AKAP19: variants seen among roughly 807,000 people sequenced by gnomAD.
AKAP19 encodes A-kinase anchoring protein 19.
At chr2:190,024,404 A>G in the AKAP19 span, among the ~76,000 whole-genome samples, 2 of 146,728 alleles carry the variant, frequency 1.4e-5, no homozygotes, top group African/African-American at 2.5e-5. Context: ...ATACATATAT[A>G]TTTTTTCATT....
chr2:190,070,549 G>T, the AKAP19 span, among the ~76,000 whole-genome samples: 2 of 151,322 alleles, frequency 1.3e-5, no homozygotes, highest in Admixed American at 1.3e-4. Context: ...TTTTTCTAAG[G>T]TCATAAGAAC....
the AKAP19 span, chr2:189,923,438 G>C: frequency 3.8e-5 from 61 of 1,613,780 alleles, no homozygotes; most frequent in Admixed American, 1.8e-4. Context: ...TGATGTGGAG[G>C]CAATCTTTTC....
At chr2:190,046,130 AGTCCCAGC>A in the AKAP19 span, among the ~76,000 whole-genome samples, 9 of 152,036 alleles carry the variant, frequency 5.9e-5, no homozygotes, top group Non-Finnish European at 1.5e-5. Flanking sequence ...TTCCTTGATT[AGTCCCAGC>A]GTGAGTACCT....
chr2:190,069,175 T>TGAGAGAGAGAGA, the AKAP19 span, among the ~76,000 whole-genome samples: 12 of 123,540 alleles, frequency 9.7e-5, no homozygotes, highest in African/African-American at 3.9e-4. Flanking sequence ...TGTGTGTGTG[T>TGAGAGAGAGAGA]GAGAGAGAGA....
the AKAP19 span, among the ~76,000 whole-genome samples, chr2:189,988,108 G>T: frequency 1.3e-5 from 2 of 152,092 alleles, no homozygotes; most frequent in Non-Finnish European, 2.9e-5. Flanking sequence ...TTCCTGGGTG[G>T]GGGCCACAGA....
chr2:189,942,301 G>A, the AKAP19 span, among the ~76,000 whole-genome samples: 4 of 152,104 alleles, frequency 2.6e-5, no homozygotes, highest in Admixed American at 6.6e-5. Flanking sequence ...GTTTCATTAC[G>A]TGATATGCCT....
the AKAP19 span, among the ~76,000 whole-genome samples, chr2:190,153,593 T>TA: frequency 6.6e-6 from 1 of 152,174 alleles, no homozygotes; most frequent in Non-Finnish European, 1.5e-5. Context: ...GAGTGCTTTT[T>TA]AAAAAATCAA....
chr2:189,928,174 T>A, the AKAP19 span, among the ~76,000 whole-genome samples: 1 of 152,188 alleles, frequency 6.6e-6, no homozygotes, highest in African/African-American at 2.4e-5. Context: ...GAGTTTGGTG[T>A]TTCCTTCAGA....
the AKAP19 span, among the ~76,000 whole-genome samples, chr2:190,025,091 C>G: frequency 6.6e-6 from 1 of 152,244 alleles, no homozygotes; most frequent in South Asian, 2.1e-4. Flanking sequence ...CTAAGATTTA[C>G]CAGTTTTATC....
chr2:190,064,180 G>GA, the AKAP19 span, among the ~76,000 whole-genome samples: 3 of 151,852 alleles, frequency 2.0e-5, no homozygotes, highest in South Asian at 2.1e-4. Flanking sequence ...CATCTCTTGA[G>GA]AAAAAAATGG....
the AKAP19 span, among the ~76,000 whole-genome samples, chr2:190,190,538 C>T: frequency 2.0e-5 from 3 of 152,062 alleles, no homozygotes; most frequent in African/African-American, 7.2e-5. Flanking sequence ...TTTAAAATAC[C>T]TGTGTTTCCA....
At chr2:189,946,476 G>C in the AKAP19 span, among the ~76,000 whole-genome samples, 2 of 152,020 alleles carry the variant, frequency 1.3e-5, no homozygotes, top group African/African-American at 4.8e-5. Flanking sequence ...GCTTTCCTAT[G>C]ACCCTAGTTT....
At chr2:189,925,399 G>T in the AKAP19 span, among the ~76,000 whole-genome samples, 2 of 152,148 alleles carry the variant, frequency 1.3e-5, no homozygotes, top group African/African-American at 4.8e-5. Context: ...TGGAGGTAAT[G>T]ATGAATGAGA....
At chr2:190,000,558 A>C in the AKAP19 span, among the ~76,000 whole-genome samples, 1 of 152,242 alleles carries the variant, frequency 6.6e-6, no homozygotes, top group Non-Finnish European at 1.5e-5. Flanking sequence ...GAGGGGTTTC[A>C]CTTCTATAAT....
chr2:189,962,936 G>C, the AKAP19 span, among the ~76,000 whole-genome samples: 2 of 152,078 alleles, frequency 1.3e-5, no homozygotes, highest in African/African-American at 2.4e-5. Context: ...TTTGGATGCT[G>C]TTTGATAGCA....
At chr2:189,903,912 C>T in the AKAP19 span, among the ~76,000 whole-genome samples, 4 of 151,954 alleles carry the variant, frequency 2.6e-5, no homozygotes, top group Non-Finnish European at 4.4e-5. Context: ...TCTATTCCTG[C>T]CCTAATTCAT....
At chr2:189,997,588 A>G in the AKAP19 span, among the ~76,000 whole-genome samples, 8 of 152,278 alleles carry the variant, frequency 5.3e-5, no homozygotes, top group Non-Finnish European at 1.0e-4. Context: ...GCTCCCATGC[A>G]GCTGGCGAAG....
the AKAP19 span, among the ~76,000 whole-genome samples, chr2:190,148,963 T>C: frequency 5.6e-3 from 12 of 2,134 alleles, no homozygotes; most frequent in Non-Finnish European, 0.043. Context: ...CTTTTTTTTT[T>C]TTTTTTTTTT....
the AKAP19 span, among the ~76,000 whole-genome samples, chr2:189,943,841 T>C: frequency 6.6e-6 from 1 of 152,250 alleles, no homozygotes; most frequent in South Asian, 2.1e-4. Context: ...TGCAGCGTTA[T>C]GAACTTCCGT....
Sources: allele counts gnomAD v4.1 joint callset (sites outside exome capture counted in the v4.1 genomes callset), GRCh38; gene constraint gnomAD v4.1.1; transcripts MANE v1.5; gene names NCBI Gene and HGNC (gene_info 2026-07-23, HGNC 2026-07-21).